Variants in DGKI observed in about 807,000 individuals in gnomAD.
DGKI encodes the protein diacylglycerol kinase iota, also known as DAG kinase iota.
DGKI carries 55 observed loss-of-function variants against 147.5 expected under a neutral mutation model. The observed-to-expected ratio is 0.37, with a 90% CI of 0.30 to 0.47. The LOEUF (loss-of-function observed/expected upper bound fraction) is 0.47, where lower values mean the gene tolerates loss of function less well. Among genes scored for constraint, DGKI ranks in the 20% least tolerant of loss-of-function variants. DGKI has a pLI of 1.00. For synonymous variants in DGKI, 469 were observed against 477.1 expected (o/e 0.98, Z 0.22); for missense variants, 1,007 against 1,323.8 (o/e 0.76, Z 3.71).
chr7:137,595,538 C>A (rs1819757332), intron 12 of DGKI, among the ~76,000 whole-genome samples: 1 of 152,164 alleles, frequency 6.6e-6, no homozygotes, highest in South Asian at 2.1e-4. Context: ...TCCTTTTGGA[C>A]TTTGGCTCCG....
chr7:137,801,735 G>C (rs1303421573), intron 1 of DGKI, among the ~76,000 whole-genome samples: 1 of 152,086 alleles, frequency 6.6e-6, no homozygotes, highest in African/African-American at 2.4e-5. Flanking sequence ...GCACCCACTG[G>C]GGGTGAGAGC....
intron 28 of DGKI, among the ~76,000 whole-genome samples, chr7:137,421,999 G>A (rs933990032): frequency 6.6e-6 from 1 of 152,168 alleles, no homozygotes; most frequent in Non-Finnish European, 1.5e-5. Context: ...ATCTCATGGT[G>A]TTTGTTAGTT....
At chr7:137,586,071 AAATATCTG>A (rs1302634703) in intron 13 of DGKI, among the ~76,000 whole-genome samples, 16 of 152,206 alleles carry the variant, frequency 1.1e-4, no homozygotes, top group Non-Finnish European at 1.5e-4. Flanking sequence ...AGCATCTACT[AAATATCTG>A]AATATAATTT....
At chr7:137,548,225 GA>G (rs1817927221) in intron 20 of DGKI, among the ~76,000 whole-genome samples, 1 of 152,342 alleles carries the variant, frequency 6.6e-6, no homozygotes, top group East Asian at 1.9e-4. Context: ...TGGTAGAGAA[GA>G]TAGAGGAGAT....
chr7:137,468,893 G>A (rs1261476798), intron 24 of DGKI, among the ~76,000 whole-genome samples: 1 of 152,132 alleles, frequency 6.6e-6, no homozygotes, highest in African/African-American at 2.4e-5. Context: ...AGAGAGAATG[G>A]GTAGTAGATA....
intron 28 of DGKI, among the ~76,000 whole-genome samples, chr7:137,437,516 CAA>C (rs1405972926): frequency 1.3e-5 from 2 of 152,064 alleles, no homozygotes; most frequent in Admixed American, 6.5e-5. Flanking sequence ...AATTAAATGT[CAA>C]GAGATGTGGC....
At chr7:137,402,663 T>C (rs1224462946) in intron 30 of DGKI, among the ~76,000 whole-genome samples, 1 of 152,192 alleles carries the variant, frequency 6.6e-6, no homozygotes, top group East Asian at 1.9e-4. Flanking sequence ...CCACTTCCCA[T>C]GGCCTCTCTC....
At chr7:137,612,643 T>C (rs183925594) in intron 8 of DGKI, among the ~76,000 whole-genome samples, 13 of 152,260 alleles carry the variant, frequency 8.5e-5, no homozygotes, top group Non-Finnish European at 1.8e-4. Flanking sequence ...TGGGTCAGTG[T>C]TGTTGAGAGA....
At chr7:137,509,916 T>C (rs1585183711) in intron 21 of DGKI, among the ~76,000 whole-genome samples, 1 of 151,444 alleles carries the variant, frequency 6.6e-6, no homozygotes, top group Non-Finnish European at 1.5e-5. Context: ...ACATGATAAA[T>C]GGAAAAGCAG....
intron 11 of DGKI, 119 bp from the exon 12 acceptor site, chr7:137,598,026 A>C: frequency 1.2e-6 from 1 of 816,420 alleles, no homozygotes; most frequent in Non-Finnish European, 2.0e-6. Flanking sequence ...ATGTGTAATC[A>C]TGAGGATGAC....
intron 1 of DGKI, among the ~76,000 whole-genome samples, chr7:137,763,841 A>G (rs1202053530): frequency 1.3e-5 from 2 of 152,128 alleles, no homozygotes; most frequent in African/African-American, 2.4e-5. Context: ...TAAGGTCTCA[A>G]CCTCCACATA....
rs560806105 is a variant in DGKI at position 137,593,359 on chromosome 7, C to T, written c.1311+4488G>A. On this transcript the variant is annotated intron_variant, in intron 12 of 32. Transcript: ENST00000614521. ...CCATTAGGAGTTGAATAGGTGTCAA[C>T]GTGGCCAAGGAAGTGAGAAAATACA... 3.7e-4 allele frequency among the ~76,000 whole-genome samples: 56 copies of T among 152,226 alleles called. No homozygotes were observed. In the South Asian group the frequency reaches 0.011, roughly 29 times the overall value.
intron 6 of DGKI, among the ~76,000 whole-genome samples, chr7:137,637,446 G>C (rs1444782871): frequency 6.6e-6 from 1 of 152,202 alleles, no homozygotes; most frequent in Non-Finnish European, 1.5e-5. Context: ...GGAATGCTGT[G>C]TTTAAACCAA....
At chr7:137,793,498 A>AC (rs1796931806) in intron 1 of DGKI, among the ~76,000 whole-genome samples, 1 of 152,050 alleles carries the variant, frequency 6.6e-6, no homozygotes, top group Non-Finnish European at 1.5e-5. Flanking sequence ...ACAGGGTTTC[A>AC]CCATGTTGGC....
intron 1 of DGKI, among the ~76,000 whole-genome samples, chr7:137,700,526 C>G (rs908223215): frequency 1.3e-5 from 2 of 152,136 alleles, no homozygotes; most frequent in Non-Finnish European, 2.9e-5. Flanking sequence ...GCAACTCTAC[C>G]AAATTCTTTC....
At chr7:137,457,650 G>C (rs1256195155) in intron 27 of DGKI, among the ~76,000 whole-genome samples, 1 of 151,922 alleles carries the variant, frequency 6.6e-6, no homozygotes, top group Non-Finnish European at 1.5e-5. Flanking sequence ...GTATTATTAG[G>C]TATCTTGGTA....
At chr7:137,438,907 GA>G (rs1813386055) in intron 28 of DGKI, among the ~76,000 whole-genome samples, 1 of 151,982 alleles carries the variant, frequency 6.6e-6, no homozygotes, top group Non-Finnish European at 1.5e-5. Context: ...ACACATATAG[GA>G]ATACATATAT....
chr7:137,619,407 G>A (rs1443914025), intron 8 of DGKI, among the ~76,000 whole-genome samples: 2 of 152,178 alleles, frequency 1.3e-5, no homozygotes, highest in Non-Finnish European at 2.9e-5. Flanking sequence ...GTTGGAAGTG[G>A]CAGGAATCTT....
At chr7:137,750,662 T>C (rs565470737) in intron 1 of DGKI, among the ~76,000 whole-genome samples, 3 of 152,260 alleles carry the variant, frequency 2.0e-5, no homozygotes, top group East Asian at 3.9e-4. Flanking sequence ...TGGAATGCCC[T>C]AGCCCAGCCC....
Sources: gnomAD v4.1 joint callset for allele counts (sites outside exome capture counted in the v4.1 genomes callset) on GRCh38, gnomAD v4.1.1 for gene constraint, MANE v1.5 for transcripts, NCBI Gene and HGNC (gene_info 2026-07-23, HGNC 2026-07-21) for gene names.